Variants in KCNMB3 observed in about 807,000 individuals in gnomAD.
KCNMB3 encodes potassium calcium-activated channel subfamily M regulatory beta subunit 3.
KCNMB3 carries 18 observed loss-of-function variants against 11.9 expected under a neutral mutation model. The observed-to-expected ratio is 1.51, with a 90% CI of 1.04 to 2.23. KCNMB3 has a LOEUF of 2.23. Ranked by LOEUF, KCNMB3 falls within the 30% of genes most tolerant of loss-of-function variation. The pLI is 0.00. For missense variants in KCNMB3, 247 were observed against 329.4 expected, an observed-to-expected ratio of 0.75 and a Z score of 1.94; for synonymous variants, 78 against 119.2, an observed-to-expected ratio of 0.65 and a Z score of 2.25.
rs1725499300 is a variant in KCNMB3 at position 179,242,877 on chromosome 3, G to C, written c.*27C>G. ...GTTGCAGAAATCACAGACATCTGAAGGCCAGCACTTTAATTTGGCCACCGT... is the reference window on the plus strand; with the variant it reads ...GTTGCAGAAATCACAGACATCTGAACGCCAGCACTTTAATTTGGCCACCGT... On this transcript the variant is annotated 3_prime_UTR_variant, in exon 3 of 3. Coordinates refer to ENST00000392685, the MANE Select transcript of KCNMB3 (RefSeq NM_171830.2). The C allele has an allele frequency of 1.9e-6, 3 of 1,558,644 alleles. No individual in the cohort carries two copies. Among genetic ancestry groups the C allele is most frequent in the Non-Finnish European group, 2.6e-6 (3 of 1,153,828 alleles).
At chr3:179,259,985 C>T in intron 1 of KCNMB3, 1 of 1,612,938 alleles carries the variant, frequency 6.2e-7, no homozygotes. Flanking sequence ...GCACTGGAAC[C>T]TCCTTGGGCT....
chr3:179,263,562 A>C (rs1449995874), intron 1 of KCNMB3, among the ~76,000 whole-genome samples: 1 of 152,238 alleles, frequency 6.6e-6, no homozygotes, highest in Admixed American at 6.5e-5. Context: ...CTACAAACTT[A>C]GCCACAAAGA....
At chr3:179,251,191 T>A (rs768060320), upstream of KCNMB3, 20 of 1,599,736 alleles carry the variant, frequency 1.3e-5, no homozygotes, top group Non-Finnish European at 1.7e-5. Context: ...TGCAAGTCTG[T>A]AGAGATCTGT....
At chr3:179,250,283 T>C (rs1426416870) in intron 1 of KCNMB3, among the ~76,000 whole-genome samples, 1 of 152,112 alleles carries the variant, frequency 6.6e-6, no homozygotes, top group Non-Finnish European at 1.5e-5. Flanking sequence ...ACTACATATA[T>C]TGAATAAAGA....
downstream of KCNMB3, chr3:179,242,059 A>AT (rs1321624457): frequency 1.3e-5 from 2 of 153,720 alleles, no homozygotes; most frequent in African/African-American, 2.4e-5. Context: ...AACTTAGTGA[A>AT]TTTTCTAGGC....
At chr3:179,252,929 A>C (rs992436822), upstream of KCNMB3, among the ~76,000 whole-genome samples, 3 of 151,906 alleles carry the variant, frequency 2.0e-5, no homozygotes, top group African/African-American at 7.3e-5. Context: ...ACGGGGTTTC[A>C]CTGTGTTAGC....
At chr3:179,262,457 G>T (rs1267827872) in intron 1 of KCNMB3, among the ~76,000 whole-genome samples, 2 of 152,192 alleles carry the variant, frequency 1.3e-5, no homozygotes, top group Non-Finnish European at 2.9e-5. Context: ...TTCGCAGTGA[G>T]TGTTACAGCT....
rs1726194808 is a variant in KCNMB3, at chr3:179,261,180, C to G, written c.62+5469G>C. On this transcript the variant is annotated intron_variant, in intron 1 of 3. Coordinates refer to the KCNMB3 transcript ENST00000349697. Reference sequence around the variant, plus strand: ...ATCTCACGAGCCTCCGCGCGGGCCTCCCGTTTTGCGGCGAGCCGGGCCTCC... The same window carrying G: ...ATCTCACGAGCCTCCGCGCGGGCCTGCCGTTTTGCGGCGAGCCGGGCCTCC... 4 of 1,347,904 alleles carry G rather than the reference C, an allele frequency of 3.0e-6. No individual in the cohort carries two copies. In the South Asian group the frequency reaches 4.2e-5, roughly 14 times the overall value. The allele number at this position is 1,347,904 out of a possible 1,614,324, so 83.5% of individuals were successfully genotyped here.
downstream of KCNMB3, chr3:179,240,953 G>A (rs1421248317): frequency 6.6e-6 from 1 of 152,132 alleles, no homozygotes; most frequent in Non-Finnish European, 1.5e-5. Flanking sequence ...TTACAGAGAA[G>A]TCTTTGGTAT....
chr3:179,261,175 G>C (rs918261854), intron 1 of KCNMB3: 3 of 1,337,936 alleles, frequency 2.2e-6, no homozygotes, highest in Non-Finnish European at 3.0e-6. Context: ...CCTCCGCGCG[G>C]GCCTCCCGTT....
chr3:179,256,870 TAG>T (rs1329827785), intron 1 of KCNMB3, among the ~76,000 whole-genome samples: 1 of 152,164 alleles, frequency 6.6e-6, no homozygotes, highest in African/African-American at 2.4e-5. Flanking sequence ...AGTTAAAAGA[TAG>T]AGAGTAGGGC....
rs888050940 is a variant in KCNMB3 at position 179,261,190 on chromosome 3, G to A, written c.62+5459C>T. On this transcript the variant is annotated intron_variant, in intron 1 of 3. Coordinates refer to the KCNMB3 transcript ENST00000349697. ...CCTCCGCGCGGGCCTCCCGTTTTGCGGCGAGCCGGGCCTCCGCCAGCCTCT... is the reference window on the plus strand; with the variant it reads ...CCTCCGCGCGGGCCTCCCGTTTTGCAGCGAGCCGGGCCTCCGCCAGCCTCT... The A allele has an allele frequency of 8.9e-6, 12 of 1,342,730 alleles. No individual in the cohort carries two copies. In the Admixed American group the frequency reaches 1.1e-4, roughly 12 times the overall value. 83.2% of individuals were successfully genotyped at this position (1,342,730 alleles called of 1,614,324 possible). A position where few individuals can be genotyped will look rare whatever the true frequency, so the allele number is the denominator to read the frequency against.
intron 1 of KCNMB3, among the ~76,000 whole-genome samples, chr3:179,266,033 A>G (rs1283110626): frequency 6.6e-6 from 1 of 152,154 alleles, no homozygotes; most frequent in African/African-American, 2.4e-5. Flanking sequence ...TATACCCGGT[A>G]TAACAGTATA....
exon 1 of KCNMB3, chr3:179,266,750 G>T: frequency 6.2e-7 from 1 of 1,611,254 alleles, no homozygotes; most frequent in Non-Finnish European, 8.5e-7. Context: ...TTTCACCTGA[G>T]TCATGCCCCT....
chr3:179,260,303 A>G, intron 1 of KCNMB3: 9 of 1,613,978 alleles, frequency 5.6e-6, no homozygotes, highest in South Asian at 1.1e-5. Flanking sequence ...TTTCAGGGAG[A>G]GAAGCGCTCT....
At chr3:179,252,652 T>A (rs1268406150), upstream of KCNMB3, among the ~76,000 whole-genome samples, 1 of 152,022 alleles carries the variant, frequency 6.6e-6, no homozygotes, top group Non-Finnish European at 1.5e-5. Flanking sequence ...TAGTTGTCTT[T>A]GATATTTTAC....
At position 179,243,284 on chromosome 3, in the gene KCNMB3, A is replaced by C. The variant is rs1725524312; in HGVS notation, c.448T>G (p.Cys150Gly). ...TGGTGGCACTTAGGTGTGTAAAAGC[A>C]CTAGGAATATGGAAGAGGGAAAAAG... The part of the protein sequence containing the change: ...NEEAVQINPK[C>G]FYTPKCHQDR... Residue 150 changes from cysteine to glycine, a missense_variant and splice_region_variant, in exon 3 of 3, where the codon TGC (cysteine) becomes GGC (glycine). By Grantham distance (159) the Cys-to-Gly change is radical (BLOSUM62 -3). Transcript: ENST00000392685. 1.6e-6 allele frequency: 2 copies of C among 1,229,668 alleles called. No homozygotes were observed. The highest frequency in any genetic ancestry group is 2.3e-6 in the Non-Finnish European group (2 of 860,262). 76.2% of individuals were successfully genotyped at this position (1,229,668 alleles called of 1,614,324 possible).
At chr3:179,244,460 T>C in intron 2 of KCNMB3, 35 bp downstream of exon 2, 1 of 1,564,124 alleles carries the variant, frequency 6.4e-7, no homozygotes, top group Non-Finnish European at 8.8e-7. Flanking sequence ...CAGGGAAGGG[T>C]TGCTGTCATA....
upstream of KCNMB3, among the ~76,000 whole-genome samples, chr3:179,253,784 C>T (rs934462389): frequency 6.6e-6 from 1 of 151,152 alleles, no homozygotes; most frequent in East Asian, 1.9e-4. Context: ...CCAGCCTGGG[C>T]GACAGAGTGA....
Sources: gnomAD v4.1 joint callset for allele counts (sites outside exome capture counted in the v4.1 genomes callset) on GRCh38, gnomAD v4.1.1 for gene constraint, MANE v1.5 for transcripts, NCBI Gene and HGNC (gene_info 2026-07-23, HGNC 2026-07-21) for gene names.